Variants in PCGF6 observed in about 807,000 individuals in gnomAD.
PCGF6 encodes the protein polycomb group ring finger 6.
PCGF6 carries 24 observed loss-of-function variants against 45.5 expected under a neutral mutation model. The observed-to-expected ratio is 0.53, with a 90% CI of 0.38 to 0.74. The LOEUF is 0.74. PCGF6 is among the 30% of genes least tolerant of loss of function. PCGF6 has a pLI of 0.00. For synonymous variants in PCGF6, 152 were observed against 162.1 expected, an observed-to-expected ratio of 0.94 and a Z score of 0.47; for missense variants, 356 against 443.2, an observed-to-expected ratio of 0.80 and a Z score of 1.77.
chr10:103,325,381 G>A (rs2093214353), intron 8 of PCGF6, among the ~76,000 whole-genome samples: 2 of 151,950 alleles, frequency 1.3e-5, no homozygotes, highest in African/African-American at 4.8e-5. Context: ...AGCCTCCTGA[G>A]TAGCTGGGAT....
intron 3 of PCGF6, among the ~76,000 whole-genome samples, chr10:103,348,122 C>A (rs1171784138): frequency 6.6e-6 from 1 of 152,158 alleles, no homozygotes; most frequent in East Asian, 1.9e-4. Context: ...TCTAAAAAAA[C>A]AGAATTTGGA....
At chr10:103,320,183 T>G (rs2093191842) in intron 8 of PCGF6, among the ~76,000 whole-genome samples, 1 of 152,160 alleles carries the variant, frequency 6.6e-6, no homozygotes, top group Non-Finnish European at 1.5e-5. Context: ...GAATTTTTAG[T>G]GATCAATGTG....
intron 3 of PCGF6, among the ~76,000 whole-genome samples, 188 bp from the exon 4 acceptor site, chr10:103,347,638 A>G (rs541137296): frequency 3.3e-5 from 5 of 152,316 alleles, no homozygotes; most frequent in Admixed American, 1.3e-4. Context: ...ATATGTAATC[A>G]TAAGTATTCA....
chr10:103,309,900 C>T (rs1325337342), intron 9 of PCGF6, among the ~76,000 whole-genome samples: 1 of 152,012 alleles, frequency 6.6e-6, no homozygotes, highest in African/African-American at 2.4e-5. Flanking sequence ...CATGATTGTG[C>T]CACTGCATTC....
chr10:103,336,092 G>A (rs894340250), intron 6 of PCGF6, among the ~76,000 whole-genome samples: 11 of 151,696 alleles, frequency 7.3e-5, no homozygotes, highest in African/African-American at 2.2e-4. Context: ...AAATTAGCAA[G>A]GTGTGGTGGC....
intron 8 of PCGF6, 127 bp downstream of exon 8, chr10:103,326,405 AAC>A (rs2133574320): frequency 2.2e-5 from 12 of 550,864 alleles, no homozygotes; most frequent in South Asian, 1.0e-4. Flanking sequence ...AAAAAAAAAA[AAC>A]AATGTCTACA....
intron 9 of PCGF6, among the ~76,000 whole-genome samples, chr10:103,309,863 GC>G (rs886968440): frequency 3.3e-5 from 5 of 152,040 alleles, no homozygotes; most frequent in African/African-American, 1.2e-4. Context: ...GATCAATTGA[GC>G]CCCCCAGGTT....
intron 8 of PCGF6, among the ~76,000 whole-genome samples, chr10:103,321,670 C>T (rs926218169): frequency 2.6e-5 from 4 of 151,914 alleles, no homozygotes; most frequent in Admixed American, 1.3e-4. Context: ...CGAGATCGCG[C>T]CACTGTACTC....
At chr10:103,321,891 T>G (rs1225850265) in intron 8 of PCGF6, among the ~76,000 whole-genome samples, 2 of 151,934 alleles carry the variant, frequency 1.3e-5, no homozygotes, top group Non-Finnish European at 2.9e-5. Context: ...TATTATTTAT[T>G]TCATTTCACT....
intron 7 of PCGF6, among the ~76,000 whole-genome samples, chr10:103,329,287 G>A (rs1297915354): frequency 2.6e-5 from 4 of 151,496 alleles, no homozygotes; most frequent in African/African-American, 7.3e-5. Context: ...TGATCCACCC[G>A]CCTTGGCCTC....
chr10:103,321,549 A>G (rs1181391301), intron 8 of PCGF6, among the ~76,000 whole-genome samples: 2 of 151,950 alleles, frequency 1.3e-5, no homozygotes, highest in South Asian at 2.1e-4. Context: ...TGTCTCTACT[A>G]AAAATACAAA....
chr10:103,314,172 T>G lies in PCGF6; in HGVS notation c.996+14A>C. On this transcript the variant is annotated intron_variant, in intron 9 of 9. Coordinates refer to ENST00000369847, the MANE Select transcript of PCGF6 (RefSeq NM_001011663.2). ...GTAACTTATCTGTTAGACATGGGTATGTCTATAACCTACCTGCATTGCTGC... is the reference window on the plus strand; with the variant it reads ...GTAACTTATCTGTTAGACATGGGTAGGTCTATAACCTACCTGCATTGCTGC... 6.6e-7 allele frequency: 1 copy of G among 1,526,476 alleles called. No homozygotes were observed. The highest frequency in any genetic ancestry group is 8.9e-7 in the Non-Finnish European group (1 of 1,118,422). The allele number at this position is 1,526,476 out of a possible 1,614,324, so 94.6% of individuals were successfully genotyped here.
chr10:103,327,816 A>G (rs2093224619), intron 7 of PCGF6, among the ~76,000 whole-genome samples: 1 of 151,074 alleles, frequency 6.6e-6, no homozygotes, highest in African/African-American at 2.4e-5. Flanking sequence ...CTGGGACTAC[A>G]GGCGTGCACC....
At chr10:103,349,100 T>C in intron 1 of PCGF6, 101 bp from the exon 2 acceptor site, 1 of 961,570 alleles carries the variant, frequency 1.0e-6, no homozygotes, top group Non-Finnish European at 1.6e-6. Context: ...CCAAGCTGAG[T>C]GCAGTGATGT....
At position 103,344,758 on chromosome 10, in the gene PCGF6, C is replaced by T. The variant is rs191187823; in HGVS notation, c.782+266G>A. Among the ~76,000 whole-genome samples, 142 of 151,802 alleles carry T rather than the reference C, an allele frequency of 9.4e-4. 3 individuals carry two copies. In the East Asian group the frequency reaches 0.022, roughly 24 times the overall value. ...TTTTTTTTTGTAATTTTAGTAGAGA[C>T]GGGGTTTCGCCATGTTAGCCAGGCT... On this transcript the variant is annotated intron_variant, in intron 6 of 9. Coordinates refer to ENST00000369847, the MANE Select transcript of PCGF6 (RefSeq NM_001011663.2).
chr10:103,347,337 T>C (rs776975731), intron 4 of PCGF6, 40 bp from the exon 5 acceptor site: 7 of 1,589,534 alleles, frequency 4.4e-6, no homozygotes, highest in Non-Finnish European at 6.0e-6. Flanking sequence ...ACACTTAAAA[T>C]GTAACTACTA....
At chr10:103,347,361 T>C (rs1210013950) in intron 4 of PCGF6, 34 bp downstream of exon 4, 1 of 1,588,564 alleles carries the variant, frequency 6.3e-7, no homozygotes, top group Non-Finnish European at 8.6e-7. Context: ...TCAGAGATTC[T>C]GGGATTCACA....
At chr10:103,310,925 T>C (rs2093155046) in intron 9 of PCGF6, among the ~76,000 whole-genome samples, 2 of 152,148 alleles carry the variant, frequency 1.3e-5, no homozygotes, top group African/African-American at 4.8e-5. Context: ...GGTCTTGAAG[T>C]GTTGGACTCA....
At chr10:103,334,025 T>G in intron 6 of PCGF6, 73 bp from the exon 7 acceptor site, 5 of 1,020,632 alleles carry the variant, frequency 4.9e-6, no homozygotes, top group Non-Finnish European at 6.9e-6. Context: ...ACAACATATA[T>G]AAATATTTGA....
Sources: allele counts gnomAD v4.1 joint callset (sites outside exome capture counted in the v4.1 genomes callset), GRCh38; gene constraint gnomAD v4.1.1; transcripts MANE v1.5; gene names NCBI Gene and HGNC (gene_info 2026-07-23, HGNC 2026-07-21).